CNTN5: variants seen among roughly 807,000 people sequenced by gnomAD.
The protein encoded by CNTN5 is contactin 5, also known as contactin-5.
In CNTN5, 77 loss-of-function variants were observed where a neutral mutation model predicts 129.1. That is an observed-to-expected ratio of 0.60 (90% CI 0.50 to 0.72). The LOEUF (loss-of-function observed/expected upper bound fraction) is 0.72. Among genes scored for constraint, CNTN5 ranks in the 30% least tolerant of loss-of-function variants. The pLI is 0.00. For missense variants in CNTN5, 1,478 were observed against 1,328.8 expected (o/e 1.11, Z -1.75); for synonymous variants, 509 against 465.6 (o/e 1.09, Z -1.20).
chr11:100,151,905 G>A (rs1461950663), intron 13 of CNTN5, among the ~76,000 whole-genome samples: 3 of 152,132 alleles, frequency 2.0e-5, no homozygotes, highest in African/African-American at 7.2e-5. Flanking sequence ...CTCTTGGCAG[G>A]TGGGTTAGCC....
intron 21 of CNTN5, chr11:100,337,272 C>T (rs1232346847): frequency 5.3e-6 from 7 of 1,311,802 alleles, no homozygotes; most frequent in Admixed American, 1.7e-5. Flanking sequence ...ACAAAAAGAG[C>T]CTGGTAGCCT....
chr11:99,332,818 G>T lies in CNTN5; in HGVS notation c.-71+7334G>T, dbSNP rs564153485. Among the ~76,000 whole-genome samples the T allele has an allele frequency of 2.6e-4, 39 of 152,110 alleles. No homozygotes were observed. The South Asian group carries it at 8.1e-3, about 32-fold the overall frequency. Reference sequence around the variant, plus strand: ...TAGTATCCAAGATCACACTGTAAATGGTTTCCAAGTGTCAGTATTTACCTT... The same window carrying T: ...TAGTATCCAAGATCACACTGTAAATTGTTTCCAAGTGTCAGTATTTACCTT... On this transcript the variant is annotated intron_variant, in intron 2 of 24. Transcript: ENST00000524871.
At chr11:99,873,816 A>G (rs996637434) in intron 6 of CNTN5, among the ~76,000 whole-genome samples, 1 of 152,180 alleles carries the variant, frequency 6.6e-6, no homozygotes, top group Admixed American at 6.6e-5. Context: ...CTATATGTCT[A>G]TCAAAGGTTG....
At position 99,021,172 on chromosome 11, in the gene CNTN5, C is replaced by T. The variant is rs1220343716; in HGVS notation, c.-308C>T. The T allele has an allele frequency of 2.0e-5, 3 of 152,380 alleles. No individual in the cohort carries two copies. Among genetic ancestry groups the T allele is most frequent in the African/African-American group, 7.2e-5 (3 of 41,432 alleles). The allele number at this position is 152,380 out of a possible 1,614,324, so 9.4% of individuals were successfully genotyped here. ...CCTCTGCCACAGGCTGCAAAGGACC[C>T]GAGGAACCGCTCTCTCTGAACTGTG... On this transcript the variant is annotated 5_prime_UTR_variant, in exon 1 of 25. It introduces an in-frame stop codon into an upstream open reading frame of the 5' UTR. Coordinates refer to ENST00000524871, the MANE Select transcript of CNTN5 (RefSeq NM_014361.4).
intron 2 of CNTN5, among the ~76,000 whole-genome samples, chr11:99,403,261 A>G (rs2136216860): frequency 6.6e-6 from 1 of 152,086 alleles, no homozygotes; most frequent in Non-Finnish European, 1.5e-5. Context: ...CAACCTTCCA[A>G]ACTGCTGGGA....
chr11:99,344,207 G>A (rs1172444369), intron 2 of CNTN5, among the ~76,000 whole-genome samples: 1 of 152,166 alleles, frequency 6.6e-6, no homozygotes, highest in African/African-American at 2.4e-5. Flanking sequence ...TCCACCGATA[G>A]ATCGATAACT....
At chr11:99,263,777 A>G (rs534290225) in intron 1 of CNTN5, among the ~76,000 whole-genome samples, 1 of 149,218 alleles carries the variant, frequency 6.7e-6, no homozygotes, top group African/African-American at 2.4e-5. Context: ...GTGTGCCACC[A>G]TGCCCAGCTA....
Position 100,055,615 on chromosome 11 carries a change from A to G in CNTN5, c.981-5597A>G, listed in dbSNP as rs567827415. ...CCGCTATATTGAACATAATTGTTCC[A>G]ACATCTTTTCCTGCTTCCATTGCTG... On this transcript the variant is annotated intron_variant, in intron 9 of 24. Coordinates refer to ENST00000524871, the MANE Select transcript of CNTN5 (RefSeq NM_014361.4). Among the ~76,000 whole-genome samples the G allele has an allele frequency of 2.6e-5, 4 of 151,726 alleles. No homozygotes were observed. In the East Asian group the frequency reaches 7.7e-4, roughly 29 times the overall value.
chr11:99,443,859 G>A (rs944602833), intron 2 of CNTN5, among the ~76,000 whole-genome samples: 1 of 152,178 alleles, frequency 6.6e-6, no homozygotes, highest in Non-Finnish European at 1.5e-5. Flanking sequence ...ACACAAAGAA[G>A]CAGGACTATT....
In CNTN5 at chr11:100,309,765, C is replaced by T. The variant is rs1944183; in HGVS notation, c.2730+1297C>T. 287 of 942,650 alleles carry T rather than the reference C, an allele frequency of 3.0e-4. 3 individuals are homozygous for T. The African/African-American group carries it at 4.7e-3, about 16-fold the overall frequency. 58.4% of individuals were successfully genotyped at this position (942,650 alleles called of 1,614,324 possible). A position where few individuals can be genotyped will look rare whatever the true frequency, so the allele number is the denominator to read the frequency against. ...GTAGAAGACACTGTGGTGGTTTGTC[C>T]AGTTTCCCTTCTCTATGGAGGAGGG... On this transcript the variant is annotated intron_variant, in intron 21 of 24. Coordinates refer to ENST00000524871, the MANE Select transcript of CNTN5 (RefSeq NM_014361.4).
At chr11:99,922,166 C>T (rs1565680404) in intron 7 of CNTN5, among the ~76,000 whole-genome samples, 3 of 152,110 alleles carry the variant, frequency 2.0e-5, no homozygotes, top group Non-Finnish European at 2.9e-5. Flanking sequence ...GGCAAAGGTG[C>T]GTCTTACGTG....
chr11:100,319,029 T>C (rs1252021105), intron 21 of CNTN5, among the ~76,000 whole-genome samples: 1 of 152,102 alleles, frequency 6.6e-6, no homozygotes, highest in Non-Finnish European at 1.5e-5. Context: ...TGTCTAACCA[T>C]AATCCAGTCC....
intron 13 of CNTN5, among the ~76,000 whole-genome samples, chr11:100,185,150 G>A (rs998096986): frequency 7.2e-5 from 11 of 152,066 alleles, no homozygotes; most frequent in African/African-American, 1.7e-4. Context: ...TCTCAGGTAC[G>A]TCTTTATACC....
intron 13 of CNTN5, among the ~76,000 whole-genome samples, chr11:100,076,731 G>T (rs1444102860): frequency 1.3e-5 from 2 of 151,598 alleles, no homozygotes. Context: ...TTAGCATTCT[G>T]CCTACCTTGA....
intron 3 of CNTN5, among the ~76,000 whole-genome samples, chr11:99,792,280 T>G (rs1027868027): frequency 6.6e-6 from 1 of 152,174 alleles, no homozygotes; most frequent in Admixed American, 6.5e-5. Context: ...CTTCAATGCC[T>G]AATTTCTTGA....
At chr11:99,669,895 T>C (rs1952964956) in intron 3 of CNTN5, among the ~76,000 whole-genome samples, 1 of 152,188 alleles carries the variant, frequency 6.6e-6, no homozygotes, top group South Asian at 2.1e-4. Context: ...TAATGAAATA[T>C]TCAGTTGCCA....
chr11:99,190,278 G>A (rs941371047), intron 1 of CNTN5, among the ~76,000 whole-genome samples: 1 of 151,646 alleles, frequency 6.6e-6, no homozygotes, highest in Non-Finnish European at 1.5e-5. Flanking sequence ...GCAGTACCAG[G>A]CTGTTTTGGT....
At chr11:99,409,175 G>A (rs767626325) in intron 2 of CNTN5, among the ~76,000 whole-genome samples, 2 of 152,040 alleles carry the variant, frequency 1.3e-5, no homozygotes, top group Non-Finnish European at 2.9e-5. Context: ...TCTTTAAAAG[G>A]CACTGCCGGC....
intron 1 of CNTN5, among the ~76,000 whole-genome samples, chr11:99,319,314 C>G (rs1358282077): frequency 6.6e-6 from 1 of 152,202 alleles, no homozygotes; most frequent in Non-Finnish European, 1.5e-5. Flanking sequence ...CATGACTCAA[C>G]TGATCTCCCT....
Sources: allele counts gnomAD v4.1 joint callset (sites outside exome capture counted in the v4.1 genomes callset), GRCh38; gene constraint gnomAD v4.1.1; transcripts MANE v1.5; gene names NCBI Gene and HGNC (gene_info 2026-07-23, HGNC 2026-07-21).